SLC39A1: variants seen among roughly 807,000 people sequenced by gnomAD.
SLC39A1 encodes solute carrier family 39 member 1.
SLC39A1 carries 17 observed loss-of-function variants against 21.4 expected under a neutral mutation model. That is an observed-to-expected ratio of 0.79 (90% CI 0.54 to 1.19). The LOEUF is 1.19. Among genes scored for constraint, SLC39A1 ranks in the 50% most tolerant of loss-of-function variants. The pLI is 0.00. For synonymous variants in SLC39A1, 183 were observed against 185.9 expected, an observed-to-expected ratio of 0.98 and a Z score of 0.13; for missense variants, 343 against 399.8, an observed-to-expected ratio of 0.86 and a Z score of 1.21.
At position 153,959,937 on chromosome 1, in the gene SLC39A1, T is replaced by C. The variant is rs548112156; in HGVS notation, c.*161A>G. ...CTCTTGTCTGCCCACTTCCCTCTCA[T>C]TAGTCAGATAGCCCCAAAGGCTCTA... On this transcript the variant is annotated 3_prime_UTR_variant, in exon 4 of 4. Transcript: ENST00000356205. 45 of 758,680 alleles carry C rather than the reference T, an allele frequency of 5.9e-5. No homozygotes were observed. The East Asian group carries it at 1.2e-3, about 21-fold the overall frequency. 47.0% of individuals were successfully genotyped at this position (758,680 alleles called of 1,614,324 possible). A position where few individuals can be genotyped will look rare whatever the true frequency, so the allele number is the denominator to read the frequency against.
chr1:153,962,122 C>T (rs1318835486), intron 3 of SLC39A1, 98 bp downstream of exon 3: 6 of 1,486,560 alleles, frequency 4.0e-6, no homozygotes, highest in Non-Finnish European at 5.4e-6. Flanking sequence ...GTCTTCCACA[C>T]AGTCATGGAG....
chr1:153,960,337 A>G lies in SLC39A1; in HGVS notation c.736T>C (p.Phe246Leu). The change falls in exon 4 of 4, where the codon TTC becomes CTC. Residue 246 changes from phenylalanine (F) to leucine (L), a missense_variant. By Grantham distance (22) the Phe-to-Leu change is conservative. Coordinates refer to ENST00000356205, the MANE Select transcript of SLC39A1 (RefSeq NM_001271958.2). ...ATGCCTAGAGGTGTCATGCATGAGA[A>G]GAGGATCCCACAGCCAGCCACCACC... ...AQVVAGCGIL[F>L]SCMTPLGIGL... 6.2e-7 allele frequency: 1 copy of G among 1,614,046 alleles called. No individual in the cohort carries two copies. The highest frequency in any genetic ancestry group is 1.1e-5 in the South Asian group (1 of 91,092).
chr1:153,962,727 T>A lies in SLC39A1; in HGVS notation c.-12A>T, dbSNP rs1647551720. On this transcript the variant is annotated 5_prime_UTR_variant, in exon 2 of 4. Coordinates refer to ENST00000356205, the MANE Select transcript of SLC39A1 (RefSeq NM_001271958.2). Reference sequence around the variant, plus strand: ...CCCCAGGGCCCCATGATGCTTCTGGTAGCTCCAGTGACTCTCAGACCTAGG... The same window carrying A: ...CCCCAGGGCCCCATGATGCTTCTGGAAGCTCCAGTGACTCTCAGACCTAGG... 1 of 1,560,004 alleles carries A rather than the reference T, an allele frequency of 6.4e-7. No homozygotes were observed. The highest frequency in any genetic ancestry group is 1.2e-5 in the South Asian group (1 of 84,620).
intron 2 of SLC39A1, 44 bp downstream of exon 2, chr1:153,962,485 T>C: frequency 1.3e-6 from 2 of 1,591,232 alleles, no homozygotes; most frequent in Non-Finnish European, 8.6e-7. Flanking sequence ...GAGCCCTCCC[T>C]AAGCCAAGCA....
upstream of SLC39A1, among the ~76,000 whole-genome samples, chr1:153,965,315 T>C (rs151228635): frequency 7.3e-4 from 111 of 151,844 alleles, no homozygotes; most frequent in African/African-American, 2.4e-3. Context: ...TGATCCCAGC[T>C]ACTCAGGAGG....
upstream of SLC39A1, chr1:153,964,981 A>G (rs915292570): frequency 6.6e-6 from 1 of 152,232 alleles, no homozygotes; most frequent in Non-Finnish European, 1.5e-5. Flanking sequence ...TTAACAAGGA[A>G]TTATGACTGG....
Position 153,959,708 on chromosome 1 carries a change from C to T in SLC39A1, c.*390G>A. 1 of 239,000 alleles carries T rather than the reference C, an allele frequency of 4.2e-6. No individual in the cohort carries two copies. Among genetic ancestry groups the T allele is most frequent in the Non-Finnish European group, 8.1e-6 (1 of 122,826 alleles). The allele number at this position is 239,000 out of a possible 1,614,324, so 14.8% of individuals were successfully genotyped here. A position where few individuals can be genotyped will look rare whatever the true frequency, so the allele number is the denominator to read the frequency against. ...GGGTGCTGAAATGGGCTAGGACCAACAGGACACTGACTCTAGGTTTATGAC... is the reference window on the plus strand; with the variant it reads ...GGGTGCTGAAATGGGCTAGGACCAATAGGACACTGACTCTAGGTTTATGAC... On this transcript the variant is annotated 3_prime_UTR_variant, in exon 4 of 4. Transcript: ENST00000356205.
rs1335836150 is a variant in SLC39A1 at position 153,960,374 on chromosome 1, G to A, written c.699C>T (p.His233=). The change falls in exon 4 of 4, where the codon CAC becomes CAT. Residue 233 remains histidine, a synonymous_variant. Coordinates refer to ENST00000356205, the MANE Select transcript of SLC39A1 (RefSeq NM_001271958.2). ...AGCCAGCCACCACCTGTGCCCTAAG[G>A]TGGCTCTGCAACAGCCGCAGGGACA... ...VSLSLRLLQS[H]LRAQVVAGCG... The A allele has an allele frequency of 3.1e-6, 5 of 1,613,874 alleles. No individual in the cohort carries two copies. Among genetic ancestry groups the A allele is most frequent in the African/African-American group, 1.3e-5 (1 of 74,946 alleles).
Position 153,962,615 on chromosome 1 carries a change from A to G in SLC39A1, c.101T>C (p.Leu34Pro). The G allele has an allele frequency of 1.9e-6, 3 of 1,613,604 alleles. No homozygotes were observed. The highest frequency in any genetic ancestry group is 2.2e-5 in the South Asian group (2 of 90,970). Residue 34 changes from leucine to proline, a missense_variant, in exon 2 of 4, where the codon CTG becomes CCG. Leu to Pro is a moderately conservative substitution (Grantham distance 98). Coordinates refer to ENST00000356205, the MANE Select transcript of SLC39A1 (RefSeq NM_001271958.2). ...PVGLEVKLGALVLLLVLTLLC... is the reference protein window; with the variant it reads ...PVGLEVKLGAPVLLLVLTLLC... ...GAGGGTGAGCACCAGCAGCAGCACCAGGGCCCCCAACTTCACCTCCAGCCC... is the reference window on the plus strand; with the variant it reads ...GAGGGTGAGCACCAGCAGCAGCACCGGGGCCCCCAACTTCACCTCCAGCCC...
At chr1:153,961,038 G>T (rs1276756703) in intron 3 of SLC39A1, among the ~76,000 whole-genome samples, 2 of 152,188 alleles carry the variant, frequency 1.3e-5, no homozygotes, top group Admixed American at 6.5e-5. Flanking sequence ...CACTTTGGAA[G>T]ACCAAAGTGG....
chr1:153,967,071 T>C (rs1647831363), upstream of SLC39A1: 1 of 152,248 alleles, frequency 6.6e-6, no homozygotes, highest in Non-Finnish European at 1.5e-5. Context: ...GTTTTGTAAA[T>C]TATACAAGTG....
At chr1:153,962,422 C>G (rs754983562) in intron 2 of SLC39A1, 72 bp from the exon 3 acceptor site, 1 of 1,582,026 alleles carries the variant, frequency 6.3e-7, no homozygotes, top group South Asian at 1.2e-5. Flanking sequence ...CCAACCCAAA[C>G]AATGGCTACC....
chr1:153,960,665 C>G lies in SLC39A1; in HGVS notation c.408G>C (p.Gln136His). The change falls in exon 4 of 4, where the codon CAG (glutamine) becomes CAC (histidine). Residue 136 changes from glutamine (Q) to histidine (H), a missense_variant. Physicochemically the swap from Gln to His is conservative, Grantham distance 24. Coordinates refer to ENST00000356205, the MANE Select transcript of SLC39A1 (RefSeq NM_001271958.2). ...MEQITLAYKE[Q>H]SGPSPLEETR... ...TTTCCTCCAGAGGTGACGGCCCTGACTGCTCCTTGTAAGCCAGTGTGATCT... is the reference window on the plus strand; with the variant it reads ...TTTCCTCCAGAGGTGACGGCCCTGAGTGCTCCTTGTAAGCCAGTGTGATCT... 6.2e-7 allele frequency: 1 copy of G among 1,614,214 alleles called. No individual in the cohort carries two copies. The highest frequency in any genetic ancestry group is 1.1e-5 in the South Asian group (1 of 91,092).
chr1:153,965,975 G>A (rs766377158), upstream of SLC39A1, among the ~76,000 whole-genome samples: 4 of 151,950 alleles, frequency 2.6e-5, no homozygotes, highest in Non-Finnish European at 5.9e-5. Flanking sequence ...TCAGGGGCAA[G>A]GAGGAAGTTA....
At chr1:153,960,838 G>A (rs1647364500) in intron 3 of SLC39A1, 84 bp from the exon 4 acceptor site, 1 of 1,333,156 alleles carries the variant, frequency 7.5e-7, no homozygotes, top group African/African-American at 1.4e-5. Context: ...CACAGACCTA[G>A]GGTCTGACAC....
chr1:153,959,957 G>T lies in SLC39A1; in HGVS notation c.*141C>A, dbSNP rs1023871125. 1.1e-6 allele frequency: 1 copy of T among 944,598 alleles called. No homozygotes were observed. Among genetic ancestry groups the T allele is most frequent in the Non-Finnish European group, 1.6e-6 (1 of 635,460 alleles). The allele number at this position is 944,598 out of a possible 1,614,324, so 58.5% of individuals were successfully genotyped here. A position where few individuals can be genotyped will look rare whatever the true frequency, so the allele number is the denominator to read the frequency against. On this transcript the variant is annotated 3_prime_UTR_variant, in exon 4 of 4. Coordinates refer to ENST00000356205, the MANE Select transcript of SLC39A1 (RefSeq NM_001271958.2). ...TCTCATTAGTCAGATAGCCCCAAAG[G>T]CTCTATCTTTAGCTCCCAGAGAACT...
At chr1:153,962,474 A>G (rs1647523557) in intron 2 of SLC39A1, 55 bp downstream of exon 2, 5 of 1,584,100 alleles carry the variant, frequency 3.2e-6, no homozygotes, top group Non-Finnish European at 4.3e-6. Context: ...CGCCAGCCCC[A>G]GAGCCCTCCC....
intron 1 of SLC39A1, 126 bp from the exon 2 acceptor site, chr1:153,962,873 G>C (rs893430373): frequency 4.7e-6 from 3 of 644,088 alleles, no homozygotes; most frequent in Middle Eastern, 6.2e-4. Flanking sequence ...CCCCTACCCA[G>C]GGTGACTCAT....
intron 2 of SLC39A1, 22 bp downstream of exon 2, chr1:153,962,507 G>T: frequency 1.2e-6 from 2 of 1,605,072 alleles, no homozygotes; most frequent in Non-Finnish European, 1.7e-6. Flanking sequence ...TCATAGCAGT[G>T]TGGGGAAAAG....
Sources: gnomAD v4.1 joint callset for allele counts (sites outside exome capture counted in the v4.1 genomes callset) on GRCh38, gnomAD v4.1.1 for gene constraint, MANE v1.5 for transcripts, NCBI Gene and HGNC (gene_info 2026-07-23, HGNC 2026-07-21) for gene names.